Variants in SNX1 observed in about 807,000 individuals in gnomAD.
The protein encoded by SNX1 is sorting nexin 1, also known as sorting nexin-1.
SNX1 carries 36 observed loss-of-function variants against 71.8 expected under a neutral mutation model. The observed-to-expected ratio is 0.50, with a 90% confidence interval of 0.38 to 0.66. The LOEUF is 0.66. Among genes scored for constraint, SNX1 ranks in the 30% least tolerant of loss-of-function variants. The pLI is 0.00. For missense variants in SNX1, 612 were observed against 646.7 expected, an observed-to-expected ratio of 0.95 and a Z score of 0.58; for synonymous variants, 254 against 240.7, an observed-to-expected ratio of 1.06 and a Z score of -0.51.
At chr15:64,126,053 G>C (rs772397651) in intron 5 of SNX1, 26 bp from the exon 6 acceptor site, 2 of 1,613,590 alleles carry the variant, frequency 1.2e-6, no homozygotes. Context: ...GAATGAAATT[G>C]CCTTGTGTTT....
intron 11 of SNX1, 111 bp downstream of exon 11, chr15:64,132,003 CT>C: frequency 5.6e-6 from 6 of 1,064,494 alleles, no homozygotes; most frequent in Non-Finnish European, 5.5e-6. Flanking sequence ...ATAGGTGTCA[CT>C]TTTTCTACTT....
intron 1 of SNX1, among the ~76,000 whole-genome samples, chr15:64,098,143 T>G (rs2080922177): frequency 6.6e-6 from 1 of 152,216 alleles, no homozygotes; most frequent in Admixed American, 6.5e-5. Flanking sequence ...GGATTGCAGG[T>G]GCATGCCTGA....
rs538250419 is a variant in SNX1 at position 64,136,481 on chromosome 15, A to G, written c.1446+71A>G. On this transcript the variant is annotated intron_variant, in intron 13 of 14. Transcript: ENST00000559844. Reference sequence around the variant, plus strand: ...TTGGGAGTACTCTTGGTGTTGTCCAACTCTGTTGGGTAAAGAGAGAGGTGC... The same window carrying G: ...TTGGGAGTACTCTTGGTGTTGTCCAGCTCTGTTGGGTAAAGAGAGAGGTGC... 22 of 1,332,456 alleles carry G rather than the reference A, an allele frequency of 1.7e-5. No individual in the cohort carries two copies. The African/African-American group carries it at 2.2e-4, about 13-fold the overall frequency. 82.5% of individuals were successfully genotyped at this position (1,332,456 alleles called of 1,614,324 possible).
Position 64,130,340 on chromosome 15 carries a change from C to G in SNX1, c.1015+19C>G. 1 of 1,588,510 alleles carries G rather than the reference C, an allele frequency of 6.3e-7. No homozygotes were observed. Among genetic ancestry groups the G allele is most frequent in the Non-Finnish European group, 8.6e-7 (1 of 1,156,824 alleles). On this transcript the variant is annotated intron_variant, in intron 10 of 14. Coordinates refer to ENST00000559844, the MANE Select transcript of SNX1 (RefSeq NM_003099.5). ...AGGAAAGGTAACAAGCTCTGAAATG[C>G]ACTTGGAGCTAGGGGAAATTGTTGT...
At position 64,131,815 on chromosome 15, in the gene SNX1, C is replaced by T; in HGVS notation, c.1144C>T (p.Gln382Ter). 6.2e-7 allele frequency: 1 copy of T among 1,614,198 alleles called. No homozygotes were observed. The highest frequency in any genetic ancestry group is 8.5e-7 in the Non-Finnish European group (1 of 1,180,032). ...GGAAGAAAAAATTGAGCAGCTCCAC[C>T]AGGAACAGGCCAACAATGACTTCTT... Reference protein sequence around the residue: ...EVEEKIEQLHQEQANNDFFLL... With the variant: ...EVEEKIEQLH The change falls in exon 11 of 15, where the codon CAG (glutamine) becomes TAG (stop). Residue 382 changes from glutamine (Q) to a stop codon, truncating the protein, a stop_gained. Transcript: ENST00000559844. LOFTEE classifies it high-confidence loss of function.
At chr15:64,099,931 G>A (rs1465660143) in intron 1 of SNX1, among the ~76,000 whole-genome samples, 1 of 152,144 alleles carries the variant, frequency 6.6e-6, no homozygotes, top group Non-Finnish European at 1.5e-5. Flanking sequence ...AGGCTGGTCA[G>A]GAACTCCTGA....
At chr15:64,135,390 G>A (rs1368835746) in intron 12 of SNX1, among the ~76,000 whole-genome samples, 4 of 149,172 alleles carry the variant, frequency 2.7e-5, no homozygotes, top group Admixed American at 1.3e-4. Context: ...GTGAGCCACC[G>A]CGCCCGGCCG....
chr15:64,098,199 TTAAG>T (rs1156637516), intron 1 of SNX1, among the ~76,000 whole-genome samples: 2 of 152,354 alleles, frequency 1.3e-5, no homozygotes, highest in African/African-American at 4.8e-5. Context: ...GTATGTTATT[TTAAG>T]TAAGTATTTA....
chr15:64,108,290 TC>T (rs1348678565), intron 1 of SNX1, among the ~76,000 whole-genome samples: 1 of 152,110 alleles, frequency 6.6e-6, no homozygotes, highest in African/African-American at 2.4e-5. Flanking sequence ...TGTGGGTACT[TC>T]CCCCACAGTA....
chr15:64,131,754 G>A lies in SNX1; in HGVS notation c.1083G>A (p.Thr361=), dbSNP rs1197815963. Residue 361 remains threonine (T), a synonymous_variant, in exon 11 of 15, where the codon ACG becomes ACA. Transcript: ENST00000559844. The part of the protein sequence containing the change: ...LAMLGSSEDN[T]ALSRALSQLA... ...TGCTTGGGAGCTCTGAGGACAACAC[G>A]GCATTGTCACGGGCACTCTCCCAGC... 3.1e-6 allele frequency: 5 copies of A among 1,614,162 alleles called. No individual in the cohort carries two copies. Among genetic ancestry groups the A allele is most frequent in the African/African-American group, 1.3e-5 (1 of 75,034 alleles).
intron 5 of SNX1, among the ~76,000 whole-genome samples, chr15:64,125,187 G>T (rs1595996670): frequency 1.3e-5 from 2 of 152,130 alleles, no homozygotes; most frequent in East Asian, 3.8e-4. Flanking sequence ...ATGAGGCTTG[G>T]CGCAGTGGCT....
In SNX1 at chr15:64,129,518, G is replaced by T. The variant is rs1378182261; in HGVS notation, c.808-398G>T. Reference sequence around the variant, plus strand: ...AAAATTCGAACACAGCACGATTTCAGTGTCTTAAGACTTTTAAGTCTGGTT... The same window carrying T: ...AAAATTCGAACACAGCACGATTTCATTGTCTTAAGACTTTTAAGTCTGGTT... On this transcript the variant is annotated intron_variant, in intron 8 of 14. Coordinates refer to ENST00000559844, the MANE Select transcript of SNX1 (RefSeq NM_003099.5). This position sits in a 1 kb window ranked among gnomAD's most constrained non-coding sequence, Gnocchi z 4.4. 6.6e-6 allele frequency among the ~76,000 whole-genome samples: 1 copy of T among 152,182 alleles called. No homozygotes were observed. Among genetic ancestry groups the T allele is most frequent in the Non-Finnish European group, 1.5e-5 (1 of 68,034 alleles).
intron 2 of SNX1, 137 bp from the exon 3 acceptor site, chr15:64,117,980 A>G: frequency 1.3e-6 from 1 of 786,546 alleles, no homozygotes; most frequent in Non-Finnish European, 2.0e-6. Flanking sequence ...CCTTGTAAAC[A>G]TTTTATGACT....
intron 4 of SNX1, among the ~76,000 whole-genome samples, chr15:64,121,627 G>T (rs942302224): frequency 6.6e-6 from 1 of 152,156 alleles, no homozygotes; most frequent in Admixed American, 6.5e-5. Context: ...GAGTTAGAAC[G>T]TAAAATGTAC....
chr15:64,118,478 T>G (rs551364474), intron 3 of SNX1, among the ~76,000 whole-genome samples: 6 of 152,336 alleles, frequency 3.9e-5, no homozygotes, highest in African/African-American at 1.4e-4. Context: ...TGTGCGAAGC[T>G]TCCACATTCA....
At chr15:64,096,459 C>T (rs1039543867) in intron 1 of SNX1, among the ~76,000 whole-genome samples, 1 of 152,164 alleles carries the variant, frequency 6.6e-6, no homozygotes, top group Admixed American at 6.5e-5. Flanking sequence ...GGTGACACTC[C>T]ACGGATCCAC....
chr15:64,131,965 G>A, intron 11 of SNX1, 73 bp downstream of exon 11: 2 of 1,511,908 alleles, frequency 1.3e-6, no homozygotes, highest in South Asian at 2.3e-5. Context: ...CCCTTCCCAA[G>A]ACAGTTTCAT....
At position 64,131,671 on chromosome 15, in the gene SNX1, C is replaced by A; in HGVS notation, c.1016-16C>A. The A allele has an allele frequency of 1.2e-6, 2 of 1,610,716 alleles. No homozygotes were observed. Among genetic ancestry groups the A allele is most frequent in the Non-Finnish European group, 1.7e-6 (2 of 1,177,324 alleles). Reference sequence around the variant, plus strand: ...GTGAGATCAGAGAGGCCTCTGCTGTCTTTTCCTCCTTCCAGAGCTAGCGCT... The same window carrying A: ...GTGAGATCAGAGAGGCCTCTGCTGTATTTTCCTCCTTCCAGAGCTAGCGCT... On this transcript the variant is annotated splice_polypyrimidine_tract_variant and intron_variant, in intron 10 of 14. Transcript: ENST00000559844.
chr15:64,099,468 A>G (rs7164540), intron 1 of SNX1, among the ~76,000 whole-genome samples: 84,940 of 152,158 alleles, frequency 0.56, 27,770 homozygotes, highest in East Asian at 0.81. Context: ...AACATTAAAA[A>G]TGGGTAATAC....
Sources: allele counts gnomAD v4.1 joint callset (sites outside exome capture counted in the v4.1 genomes callset), GRCh38; gene constraint gnomAD v4.1.1; non-coding constraint Gnocchi (gnomAD v3.1); transcripts MANE v1.5; gene names NCBI Gene and HGNC (gene_info 2026-07-23, HGNC 2026-07-21).